RPRD1A: variants seen among roughly 807,000 people sequenced by gnomAD.
The protein encoded by RPRD1A is regulation of nuclear pre-mRNA domain containing 1A, also known as regulation of nuclear pre-mRNA domain-containing protein 1A.
A neutral mutation model predicts 37.8 loss-of-function variants in RPRD1A; 9 were observed. That is an observed-to-expected ratio of 0.24 (90% CI 0.14 to 0.42). RPRD1A has a LOEUF of 0.42. RPRD1A is among the 10% of genes least tolerant of loss of function. The probability of loss-of-function intolerance (pLI) is 1.00; values close to 1 mark genes in which losing one functional copy is unlikely to be tolerated. For synonymous variants in RPRD1A, 138 were observed against 139.7 expected, an observed-to-expected ratio of 0.99 and a Z score of 0.08; for missense variants, 255 against 371.0, an observed-to-expected ratio of 0.69 and a Z score of 2.57.
At chr18:36,056,026 CTAGAA>C (rs1335006587) in intron 1 of RPRD1A, among the ~76,000 whole-genome samples, 5 of 152,064 alleles carry the variant, frequency 3.3e-5, no homozygotes, top group Admixed American at 6.6e-5. Context: ...TAAGAAAATA[CTAGAA>C]TATTTACTAA....
intron 1 of RPRD1A, among the ~76,000 whole-genome samples, chr18:36,066,364 C>T (rs968089631): frequency 6.6e-6 from 1 of 152,200 alleles, no homozygotes; most frequent in Non-Finnish European, 1.5e-5. Flanking sequence ...AAACCTTTAA[C>T]ACTTGATAAA....
intron 6 of RPRD1A, among the ~76,000 whole-genome samples, chr18:36,024,440 A>C (rs1174966331): frequency 6.6e-6 from 1 of 151,468 alleles, no homozygotes; most frequent in Non-Finnish European, 1.5e-5. Flanking sequence ...ACAGGCGTGA[A>C]CCACCACACC....
At chr18:36,044,513 C>A (rs916876855) in intron 1 of RPRD1A, among the ~76,000 whole-genome samples, 1 of 151,816 alleles carries the variant, frequency 6.6e-6, no homozygotes, top group Non-Finnish European at 1.5e-5. Flanking sequence ...CATGGTGAAA[C>A]CCCATCTCTA....
chr18:36,017,009 A>G (rs75117949), intron 6 of RPRD1A, among the ~76,000 whole-genome samples: 23 of 147,576 alleles, frequency 1.6e-4, no homozygotes, highest in African/African-American at 5.8e-4. Flanking sequence ...CTACTTTTGC[A>G]ATAAAAAAAA....
intron 1 of RPRD1A, among the ~76,000 whole-genome samples, chr18:36,037,321 A>G (rs563467958): frequency 1.3e-5 from 2 of 152,252 alleles, no homozygotes; most frequent in South Asian, 2.1e-4. Flanking sequence ...TCATGTTAGT[A>G]AGTGAGTTCT....
intron 6 of RPRD1A, among the ~76,000 whole-genome samples, chr18:36,014,123 A>C (rs910173311): frequency 3.9e-5 from 6 of 152,194 alleles, no homozygotes; most frequent in African/African-American, 1.4e-4. Flanking sequence ...ATTTTTTGCT[A>C]ATTTCTTTAA....
chr18:36,015,860 T>C (rs955487133), intron 6 of RPRD1A, among the ~76,000 whole-genome samples: 2 of 152,202 alleles, frequency 1.3e-5, no homozygotes, highest in African/African-American at 4.8e-5. Context: ...AGTTCTGCAA[T>C]ATGAAGAGTT....
chr18:36,037,969 C>T (rs991744853), intron 1 of RPRD1A, among the ~76,000 whole-genome samples: 3 of 152,150 alleles, frequency 2.0e-5, no homozygotes, highest in African/African-American at 7.2e-5. Flanking sequence ...CTCTTAAAAG[C>T]ATTCAGTTCC....
intron 6 of RPRD1A, among the ~76,000 whole-genome samples, chr18:35,999,163 T>C (rs769057789): frequency 1.3e-5 from 2 of 152,178 alleles, no homozygotes; most frequent in Non-Finnish European, 2.9e-5. Flanking sequence ...ACTTTCTATA[T>C]ATCTACATTA....
At chr18:36,037,076 T>C (rs912118068) in intron 1 of RPRD1A, among the ~76,000 whole-genome samples, 1 of 152,246 alleles carries the variant, frequency 6.6e-6, no homozygotes, top group Non-Finnish European at 1.5e-5. Context: ...GCAAGTTCCA[T>C]ACAAATTGGC....
At chr18:36,032,758 G>C (rs181882365) in intron 2 of RPRD1A, among the ~76,000 whole-genome samples, 4 of 152,348 alleles carry the variant, frequency 2.6e-5, no homozygotes, top group Non-Finnish European at 5.9e-5. Context: ...GATAGATCGA[G>C]TTGCCATTCA....
chr18:36,000,049 C>T, intron 6 of RPRD1A, among the ~76,000 whole-genome samples: 1 of 152,202 alleles, frequency 6.6e-6, no homozygotes, highest in Admixed American at 6.5e-5. Context: ...AACACACACA[C>T]ACCCATTTTC....
rs138413588 is a variant in RPRD1A at position 36,008,569 on chromosome 18, TTG to T, written c.790-15271_790-15270del. Among the ~76,000 whole-genome samples, 35 of 56,068 alleles carry T rather than the reference TTG, an allele frequency of 6.2e-4. 3 individuals are homozygous for T. Among genetic ancestry groups the T allele is most frequent in the African/African-American group, 4.5e-3 (31 of 6,894 alleles). 36.8% of individuals were successfully genotyped at this position (56,068 alleles called of 152,430 possible). On this transcript the variant is annotated intron_variant, in intron 6 of 6. Coordinates refer to ENST00000399022, the MANE Select transcript of RPRD1A (RefSeq NM_018170.5). ...CTAGCCTGGGCGACACAGCAAGACC[TTG>T]TGTGTGTATATATATATATCTTTAA...
At chr18:36,047,315 G>GC (rs1296331143) in intron 1 of RPRD1A, among the ~76,000 whole-genome samples, 6 of 152,042 alleles carry the variant, frequency 3.9e-5, no homozygotes, top group Non-Finnish European at 8.8e-5. Flanking sequence ...AATCTGTGGG[G>GC]CATAGCTAAA....
At chr18:36,053,889 C>CT (rs1913575499) in intron 1 of RPRD1A, among the ~76,000 whole-genome samples, 1 of 151,940 alleles carries the variant, frequency 6.6e-6, no homozygotes, top group South Asian at 2.1e-4. Context: ...GGTGAGAAAA[C>CT]TATGAAGGAA....
chr18:36,067,150 A>C, intron 1 of RPRD1A, 104 bp downstream of exon 1: 1 of 1,309,154 alleles, frequency 7.6e-7, no homozygotes, highest in South Asian at 1.5e-5. Context: ...GCGCGCTGGC[A>C]TCCCGACGCC....
chr18:35,994,700 G>T (rs1908917512), intron 6 of RPRD1A, among the ~76,000 whole-genome samples: 1 of 152,126 alleles, frequency 6.6e-6, no homozygotes, highest in South Asian at 2.1e-4. Flanking sequence ...TACAAATAAA[G>T]ATTTAGGCTT....
chr18:36,060,305 C>T (rs545881217), intron 1 of RPRD1A, among the ~76,000 whole-genome samples: 4 of 152,012 alleles, frequency 2.6e-5, no homozygotes, highest in South Asian at 4.2e-4. Flanking sequence ...TGGTGGCGGG[C>T]GCCTATAGTC....
intron 6 of RPRD1A, among the ~76,000 whole-genome samples, chr18:36,007,414 G>A (rs1006218484): frequency 3.9e-5 from 6 of 152,134 alleles, no homozygotes; most frequent in Admixed American, 1.3e-4. Context: ...CTCACGGTAT[G>A]TTCAATACTA....
Sources: gnomAD v4.1 joint callset for allele counts (sites outside exome capture counted in the v4.1 genomes callset) on GRCh38, gnomAD v4.1.1 for gene constraint, MANE v1.5 for transcripts, NCBI Gene and HGNC (gene_info 2026-07-23, HGNC 2026-07-21) for gene names.